ARHGEF3: variants seen among roughly 807,000 people sequenced by gnomAD.
The protein encoded by ARHGEF3 is 59.8 kDA protein.
ARHGEF3 carries 28 observed loss-of-function variants against 63.2 expected under a neutral mutation model. The ratio of observed to expected loss-of-function variants is 0.44; its 90% CI spans 0.33 to 0.61. The LOEUF (loss-of-function observed/expected upper bound fraction) is 0.61, where lower values mean the gene tolerates loss of function less well. Ranked by LOEUF, ARHGEF3 falls within the 20% of genes least tolerant of loss-of-function variation. The pLI, the probability that ARHGEF3 is intolerant of heterozygous loss-of-function variation, is 0.03. For synonymous variants in ARHGEF3, 266 were observed against 254.2 expected (o/e 1.05, Z -0.44); for missense variants, 533 against 659.3 (o/e 0.81, Z 2.10).
At chr3:57,033,400 A>C (rs1234079171) in intron 2 of ARHGEF3, among the ~76,000 whole-genome samples, 1 of 147,798 alleles carries the variant, frequency 6.8e-6, no homozygotes, top group Admixed American at 6.8e-5. Flanking sequence ...TGGATATACT[A>C]TTCACTTGGC....
intron 2 of ARHGEF3, chr3:56,977,209 C>T (rs1392038369): frequency 2.2e-6 from 1 of 456,088 alleles, no homozygotes; most frequent in Admixed American, 2.4e-5. Flanking sequence ...TTCTGGCTGC[C>T]TAATCCACAA....
At chr3:56,869,504 A>G (rs903336522) in intron 4 of ARHGEF3, among the ~76,000 whole-genome samples, 3 of 152,244 alleles carry the variant, frequency 2.0e-5, no homozygotes, top group Non-Finnish European at 4.4e-5. Flanking sequence ...AAGTTACCCA[A>G]GAATTTCAGT....
At chr3:56,998,909 T>C (rs949278849) in intron 2 of ARHGEF3, among the ~76,000 whole-genome samples, 1 of 152,226 alleles carries the variant, frequency 6.6e-6, no homozygotes, top group Non-Finnish European at 1.5e-5. Context: ...CAGTGTTTTA[T>C]GTACACTCCA....
rs573795805 is a variant in ARHGEF3 at position 56,985,281 on chromosome 3, G to A, written c.63-26392C>T. Among the ~76,000 whole-genome samples the A allele has an allele frequency of 1.9e-3, 284 of 152,364 alleles. 1 individual carries two copies. The highest frequency in any genetic ancestry group is 6.6e-3 in the African/African-American group (274 of 41,584). On this transcript the variant is annotated intron_variant, in intron 2 of 12. Transcript: ENST00000338458. ...TTTTTGTATTTTTAGCAGAGAGAGG[G>A]TTTCACCATGTTGGCCAGGCTGGTC...
intron 2 of ARHGEF3, among the ~76,000 whole-genome samples, chr3:56,978,208 C>T (rs1362165013): frequency 6.6e-6 from 1 of 152,198 alleles, no homozygotes; most frequent in Non-Finnish European, 1.5e-5. Flanking sequence ...CCTTTTAACA[C>T]ATGAAAACCA....
intron 3 of ARHGEF3, among the ~76,000 whole-genome samples, chr3:56,898,177 C>G (rs2041372355): frequency 6.6e-6 from 1 of 152,118 alleles, no homozygotes; most frequent in Admixed American, 6.6e-5. Flanking sequence ...TGCACCTGGC[C>G]TGTATCTATT....
intron 9 of ARHGEF3, among the ~76,000 whole-genome samples, chr3:56,730,465 C>T (rs2033069348): frequency 6.6e-6 from 1 of 151,120 alleles, no homozygotes; most frequent in Non-Finnish European, 1.5e-5. Flanking sequence ...GCAACCTCTG[C>T]CTCCTGGGTT....
intron 3 of ARHGEF3, among the ~76,000 whole-genome samples, chr3:56,922,568 A>G (rs2042172010): frequency 6.6e-6 from 1 of 152,200 alleles, no homozygotes; most frequent in Admixed American, 6.5e-5. Context: ...TCAAAAAACA[A>G]TGCTTGACAC....
chr3:56,877,376 C>CTT (rs755860299), intron 4 of ARHGEF3, among the ~76,000 whole-genome samples: 7,089 of 136,906 alleles, frequency 0.052, 595 homozygotes, highest in African/African-American at 0.17. Context: ...TACTATAATC[C>CTT]TTTTTTTTTT....
At chr3:56,992,961 G>A (rs1345568198) in intron 2 of ARHGEF3, among the ~76,000 whole-genome samples, 1 of 152,126 alleles carries the variant, frequency 6.6e-6, no homozygotes, top group Non-Finnish European at 1.5e-5. Flanking sequence ...AGCCTCCCCA[G>A]TAGCTGGGAT....
intron 2 of ARHGEF3, among the ~76,000 whole-genome samples, chr3:56,772,807 C>A (rs1028138009): frequency 3.9e-5 from 6 of 152,160 alleles, no homozygotes; most frequent in African/African-American, 1.4e-4. Flanking sequence ...TCTTGTAAAT[C>A]TTTACAATGA....
At chr3:56,987,536 A>G (rs1169661720) in intron 2 of ARHGEF3, among the ~76,000 whole-genome samples, 1 of 151,832 alleles carries the variant, frequency 6.6e-6, no homozygotes, top group East Asian at 1.9e-4. Context: ...GATGAAAGGG[A>G]CTCTGGGGAC....
intron 3 of ARHGEF3, among the ~76,000 whole-genome samples, chr3:56,909,668 G>A (rs1204239577): frequency 2.0e-5 from 3 of 152,322 alleles, no homozygotes; most frequent in African/African-American, 4.8e-5. Flanking sequence ...TATTCATTTA[G>A]GACCTAATAC....
At chr3:56,743,581 T>C (rs6798076) in intron 7 of ARHGEF3, among the ~76,000 whole-genome samples, 1,633 of 152,264 alleles carry the variant, frequency 0.011, 31 homozygotes, top group African/African-American at 0.037. Context: ...ATACATAACC[T>C]ATGAGGCAAA....
intron 4 of ARHGEF3, among the ~76,000 whole-genome samples, chr3:56,752,304 T>G (rs1033656143): frequency 1.3e-5 from 2 of 152,200 alleles, no homozygotes; most frequent in African/African-American, 4.8e-5. Context: ...GTGATCCTTC[T>G]GCCTCAGCTT....
chr3:57,022,643 C>T (rs953513285), intron 2 of ARHGEF3, among the ~76,000 whole-genome samples: 1 of 151,950 alleles, frequency 6.6e-6, no homozygotes, highest in Non-Finnish European at 1.5e-5. Context: ...ACCAACCAGG[C>T]ACTTATTTTG....
chr3:56,971,380 G>A (rs899034657), intron 2 of ARHGEF3, among the ~76,000 whole-genome samples: 9 of 152,076 alleles, frequency 5.9e-5, no homozygotes, highest in African/African-American at 2.2e-4. Flanking sequence ...AGGCCGTGCT[G>A]GATCCTTTAT....
intron 2 of ARHGEF3, among the ~76,000 whole-genome samples, chr3:57,010,227 G>C (rs1336924287): frequency 6.6e-6 from 1 of 152,108 alleles, no homozygotes; most frequent in Non-Finnish European, 1.5e-5. Context: ...GGCCAAGGCG[G>C]GCAGATCACG....
At chr3:56,889,148 C>G (rs902291224) in intron 3 of ARHGEF3, among the ~76,000 whole-genome samples, 1 of 152,094 alleles carries the variant, frequency 6.6e-6, no homozygotes, top group Non-Finnish European at 1.5e-5. Context: ...CCAGGACACT[C>G]TGTGGCTATC....
Sources: allele counts gnomAD v4.1 joint callset (sites outside exome capture counted in the v4.1 genomes callset), GRCh38; gene constraint gnomAD v4.1.1; transcripts MANE v1.5; gene names NCBI Gene and HGNC (gene_info 2026-07-23, HGNC 2026-07-21).